TMEM74: variants seen among roughly 807,000 people sequenced by gnomAD.
TMEM74 encodes the protein transmembrane protein 74.
Under a neutral mutation model 18.1 loss-of-function variants are expected in TMEM74, and 13 were observed. The ratio of observed to expected loss-of-function variants is 0.72; its 90% confidence interval spans 0.47 to 1.14. The LOEUF (loss-of-function observed/expected upper bound fraction) is 1.14. Among genes scored for constraint, TMEM74 ranks in the 50% most tolerant of loss-of-function variants. The pLI, the probability that TMEM74 is intolerant of heterozygous loss-of-function variation, is 0.00. For missense variants in TMEM74, 372 were observed against 375.9 expected (o/e 0.99, Z 0.09); for synonymous variants, 159 against 146.6 (o/e 1.08, Z -0.61).
intron 2 of TMEM74, among the ~76,000 whole-genome samples, chr8:108,623,411 T>G (rs1438430894): frequency 2.0e-5 from 3 of 152,134 alleles, no homozygotes; most frequent in Non-Finnish European, 4.4e-5. Context: ...AAATGGCTTC[T>G]CCCAGAAACT....
chr8:108,625,563 G>A (rs1812485451), intron 2 of TMEM74, among the ~76,000 whole-genome samples: 1 of 151,960 alleles, frequency 6.6e-6, no homozygotes, highest in Non-Finnish European at 1.5e-5. Context: ...TATTGCAGAT[G>A]TGAATTCTTT....
At chr8:108,728,924 G>A (rs967180263) in intron 1 of TMEM74, among the ~76,000 whole-genome samples, 2 of 152,066 alleles carry the variant, frequency 1.3e-5, no homozygotes, top group Admixed American at 6.6e-5. Context: ...CTAAATAAAC[G>A]GTAATTTAAC....
At chr8:108,691,150 A>C (rs1813223449) in intron 1 of TMEM74, among the ~76,000 whole-genome samples, 1 of 152,226 alleles carries the variant, frequency 6.6e-6, no homozygotes, top group Non-Finnish European at 1.5e-5. Context: ...GAAGAGTCAC[A>C]GTCCCATGTT....
intron 1 of TMEM74, among the ~76,000 whole-genome samples, chr8:108,742,881 A>G (rs1563540117): frequency 6.6e-6 from 1 of 152,208 alleles, no homozygotes; most frequent in Non-Finnish European, 1.5e-5. Flanking sequence ...AGAAGGCATC[A>G]TGCAAATATG....
At chr8:108,713,108 T>A (rs1268713053) in intron 1 of TMEM74, among the ~76,000 whole-genome samples, 3 of 152,220 alleles carry the variant, frequency 2.0e-5, no homozygotes, top group Non-Finnish European at 4.4e-5. Context: ...TCATTGGTTT[T>A]AGTTTCCCTG....
intron 2 of TMEM74, among the ~76,000 whole-genome samples, chr8:108,611,367 G>A (rs1371975597): frequency 5.9e-5 from 9 of 152,124 alleles, no homozygotes. Flanking sequence ...TAGGGTACAA[G>A]AAGATACAAA....
At chr8:108,685,503 G>A (rs752944937) in intron 1 of TMEM74, among the ~76,000 whole-genome samples, 20 of 152,036 alleles carry the variant, frequency 1.3e-4, no homozygotes, top group Admixed American at 1.2e-3. Flanking sequence ...CTAAAAATAA[G>A]TAAGTTCTTC....
chr8:108,784,186 T>C lies in TMEM74; in HGVS notation c.913A>G (p.Ser305Gly), dbSNP rs112420507. The C allele has an allele frequency of 9.5e-4, 1,519 of 1,601,610 alleles. 13 individuals carry two copies. In the African/African-American group the frequency reaches 0.018, roughly 19 times the overall value. ...CAAGATATTCACAACCAGAATTAAC[T>C]CTGTACAGCAAGCGCATCTTCCTCT... is the stretch of plus-strand genomic sequence containing the variant. Reference protein sequence around the residue: ...LVEEDALAVQS With the variant: ...LVEEDALAVQG The change falls in exon 2 of 2, where the codon AGT becomes GGT. Residue 305 changes from serine to glycine, a missense_variant. By Grantham distance (56) the Ser-to-Gly change is moderately conservative (BLOSUM62 0). Transcript: ENST00000297459.
At position 108,708,586 on chromosome 8, in the gene TMEM74, T is replaced by C. The variant is rs1203759188; in HGVS notation, n.120-53149A>G. On this transcript the variant is annotated intron_variant and non_coding_transcript_variant, in intron 1 of 3. Coordinates refer to the TMEM74 transcript ENST00000518838. ...TGACTGATGAAAGATGGTATCTCACTGTGGTATTGGTTTGCATTTCTCTAA... is the reference window on the plus strand; with the variant it reads ...TGACTGATGAAAGATGGTATCTCACCGTGGTATTGGTTTGCATTTCTCTAA... 2.0e-5 allele frequency among the ~76,000 whole-genome samples: 3 copies of C among 152,094 alleles called. No homozygotes were observed. The South Asian group carries it at 6.2e-4, about 32-fold the overall frequency.
intron 1 of TMEM74, among the ~76,000 whole-genome samples, chr8:108,736,613 A>C (rs1279832289): frequency 1.3e-5 from 2 of 152,080 alleles, no homozygotes; most frequent in Non-Finnish European, 2.9e-5. Flanking sequence ...GAATTATCTG[A>C]GTAGCTATTA....
intron 1 of TMEM74, among the ~76,000 whole-genome samples, chr8:108,760,029 C>G (rs1390976367): frequency 1.3e-5 from 2 of 151,830 alleles, no homozygotes; most frequent in Non-Finnish European, 2.9e-5. Context: ...AAAAATTAGC[C>G]AGGTGTGGTG....
intron 1 of TMEM74, among the ~76,000 whole-genome samples, chr8:108,716,993 A>G (rs1813532948): frequency 6.6e-6 from 1 of 152,020 alleles, no homozygotes; most frequent in African/African-American, 2.4e-5. Context: ...AATTTGCCTC[A>G]TTATGAACTA....
chr8:108,696,378 G>T (rs1813281677), intron 1 of TMEM74, among the ~76,000 whole-genome samples: 1 of 152,186 alleles, frequency 6.6e-6, no homozygotes, highest in Non-Finnish European at 1.5e-5. Flanking sequence ...AGGGTAGTGA[G>T]CTAATCAGAT....
intron 1 of TMEM74, among the ~76,000 whole-genome samples, chr8:108,785,985 C>T (rs112186936): frequency 0.02 from 2,987 of 152,278 alleles, 106 homozygotes; most frequent in African/African-American, 0.068. Context: ...GCTCCAGCTG[C>T]AGGATCTGCT....
intron 1 of TMEM74, among the ~76,000 whole-genome samples, chr8:108,742,959 T>C (rs1389687388): frequency 1.3e-5 from 2 of 152,210 alleles, no homozygotes; most frequent in Non-Finnish European, 2.9e-5. Context: ...AGAGATGTTG[T>C]AACTGAAAAC....
intron 1 of TMEM74, among the ~76,000 whole-genome samples, chr8:108,716,954 A>T (rs185198543): frequency 2.0e-4 from 31 of 152,096 alleles, no homozygotes; most frequent in African/African-American, 7.2e-4. Context: ...AATGAAAATG[A>T]ATGTTTTTCT....
chr8:108,682,716 A>T (rs1256934796), intron 1 of TMEM74, among the ~76,000 whole-genome samples: 1 of 152,018 alleles, frequency 6.6e-6, no homozygotes, highest in African/African-American at 2.4e-5. Context: ...AATTTTAATG[A>T]TTGCTTAAAA....
At chr8:108,769,563 T>C (rs192649746) in intron 1 of TMEM74, among the ~76,000 whole-genome samples, 19 of 151,826 alleles carry the variant, frequency 1.3e-4, no homozygotes, top group African/African-American at 4.6e-4. Flanking sequence ...TACTTTCCAC[T>C]CTCTCTCTCT....
chr8:108,761,338 C>T (rs904765176), intron 1 of TMEM74, among the ~76,000 whole-genome samples: 2 of 151,740 alleles, frequency 1.3e-5, no homozygotes, highest in African/African-American at 2.4e-5. Context: ...TTATTATAAA[C>T]ATTAAATATC....
Sources: gnomAD v4.1 joint callset for allele counts (sites outside exome capture counted in the v4.1 genomes callset) on GRCh38, gnomAD v4.1.1 for gene constraint, MANE v1.5 for transcripts, NCBI Gene and HGNC (gene_info 2026-07-23, HGNC 2026-07-21) for gene names.